SPIRE1: variants seen among roughly 807,000 people sequenced by gnomAD.
SPIRE1 encodes spire type actin nucleation factor 1, also known as protein spire homolog 1.
A neutral mutation model predicts 94.1 loss-of-function variants in SPIRE1; 40 were observed. The ratio of observed to expected loss-of-function variants is 0.43; its 90% CI spans 0.33 to 0.55. The LOEUF (loss-of-function observed/expected upper bound fraction) is 0.55, where lower values mean the gene tolerates loss of function less well. Ranked by LOEUF, SPIRE1 falls within the 20% of genes least tolerant of loss-of-function variation. The pLI, the probability that SPIRE1 is intolerant of heterozygous loss-of-function variation, is 0.06. For synonymous variants in SPIRE1, 376 were observed against 371.7 expected (o/e 1.01, Z -0.13); for missense variants, 838 against 975.2 (o/e 0.86, Z 1.87).
chr18:12,508,440 C>T (rs990652530), intron 5 of SPIRE1, among the ~76,000 whole-genome samples: 1 of 152,138 alleles, frequency 6.6e-6, no homozygotes, highest in East Asian at 1.9e-4. Flanking sequence ...TAAAAAGATT[C>T]TTAGATTCTG....
intron 10 of SPIRE1, 115 bp from the exon 11 acceptor site, chr18:12,465,073 AG>A: frequency 1.1e-6 from 1 of 877,054 alleles, no homozygotes; most frequent in Non-Finnish European, 1.8e-6. Context: ...AGTATGTCAA[AG>A]GTTCAAGGCA....
intron 11 of SPIRE1, among the ~76,000 whole-genome samples, 170 bp downstream of exon 11, chr18:12,464,698 G>C (rs2032016719): frequency 6.6e-6 from 1 of 152,176 alleles, no homozygotes; most frequent in Non-Finnish European, 1.5e-5. Context: ...CCGAGGCCTG[G>C]TATGATGCCA....
chr18:12,521,699 C>T lies in SPIRE1; in HGVS notation c.730-9168G>A, dbSNP rs186606863. The stretch of plus-strand genomic sequence containing the variant: ...CCTGAGTTCGGCAAATCTATTGGTG[C>T]CATTTTTCCTAGAGTATGTGCTCAC... On this transcript the variant is annotated intron_variant, in intron 4 of 16. Transcript: ENST00000409402. 4.1e-4 allele frequency among the ~76,000 whole-genome samples: 62 copies of T among 152,180 alleles called. No homozygotes were observed. The Middle Eastern group carries it at 0.02, about 50-fold the overall frequency.
At chr18:12,517,874 T>G (rs1478568836) in intron 4 of SPIRE1, among the ~76,000 whole-genome samples, 1 of 152,242 alleles carries the variant, frequency 6.6e-6, no homozygotes, top group Non-Finnish European at 1.5e-5. Flanking sequence ...TAATAATGTA[T>G]TTTTTATGAC....
At chr18:12,502,708 T>C (rs1019984428) in intron 6 of SPIRE1, among the ~76,000 whole-genome samples, 3 of 152,172 alleles carry the variant, frequency 2.0e-5, no homozygotes, top group African/African-American at 7.2e-5. Context: ...ATGTTTGCAT[T>C]TGGATGTTCA....
chr18:12,580,043 A>G (rs1327102859), intron 2 of SPIRE1, among the ~76,000 whole-genome samples: 1 of 152,184 alleles, frequency 6.6e-6, no homozygotes, highest in African/African-American at 2.4e-5. Flanking sequence ...AGATGCTTTC[A>G]TAGAGTGGGT....
intron 2 of SPIRE1, among the ~76,000 whole-genome samples, chr18:12,631,548 C>CAAAAAAAAAAAAAAAAAAAAAAACA (rs2037775555): frequency 1.6e-5 from 1 of 63,804 alleles, no homozygotes; most frequent in Non-Finnish European, 2.7e-5. Flanking sequence ...CCCATCTCTA[C>CAAAAAAAAAAAAAAAAAAAAAAACA]AAAAAAAAAA....
intron 2 of SPIRE1, among the ~76,000 whole-genome samples, chr18:12,558,371 G>A (rs2035581155): frequency 6.6e-6 from 1 of 152,200 alleles, no homozygotes; most frequent in South Asian, 2.1e-4. Flanking sequence ...CTTTCGTGGT[G>A]AGTGTTACAG....
At chr18:12,491,516 TTTCC>T (rs1555685125) in intron 8 of SPIRE1, among the ~76,000 whole-genome samples, 1 of 152,106 alleles carries the variant, frequency 6.6e-6, no homozygotes, top group Non-Finnish European at 1.5e-5. Flanking sequence ...TCTTTCTTTC[TTTCC>T]ATGGAATCTT....
Position 12,449,069 on chromosome 18 carries a change from A to C in SPIRE1, c.*569T>G, listed in dbSNP as rs1317841923. The C allele has an allele frequency of 1.3e-5, 2 of 153,418 alleles. No individual in the cohort carries two copies. Among genetic ancestry groups the C allele is most frequent in the Non-Finnish European group, 2.9e-5 (2 of 68,776 alleles). The allele number at this position is 153,418 out of a possible 1,614,324, so 9.5% of individuals were successfully genotyped here. Reference sequence around the variant, plus strand: ...TGTTTTGCACTAGAATGCAGGCAAAAAGTCCCTTATGTAATTTTTATCTCC... The same window carrying C: ...TGTTTTGCACTAGAATGCAGGCAAACAGTCCCTTATGTAATTTTTATCTCC... On this transcript the variant is annotated 3_prime_UTR_variant, in exon 17 of 17. Coordinates refer to ENST00000409402, the MANE Select transcript of SPIRE1 (RefSeq NM_001128626.2).
At chr18:12,593,706 T>C (rs1292965019) in intron 2 of SPIRE1, among the ~76,000 whole-genome samples, 1 of 152,078 alleles carries the variant, frequency 6.6e-6, no homozygotes, top group African/African-American at 2.4e-5. Flanking sequence ...TCCCAGCACT[T>C]TGGGAGGCCG....
At chr18:12,630,973 C>T (rs1208810830) in intron 2 of SPIRE1, among the ~76,000 whole-genome samples, 2 of 152,110 alleles carry the variant, frequency 1.3e-5, no homozygotes, top group Non-Finnish European at 2.9e-5. Context: ...CTTTGTGACC[C>T]CGTATAACCT....
At chr18:12,516,248 CACTTCCTA>C (rs1460799786) in intron 4 of SPIRE1, 1 of 152,208 alleles carries the variant, frequency 6.6e-6, no homozygotes, top group Non-Finnish European at 1.5e-5. Flanking sequence ...CCCAGTACCT[CACTTCCTA>C]TTTACAAGCG....
At chr18:12,549,436 G>GTTTTTTTTTTTTTTTTTT (rs1345452411) in intron 2 of SPIRE1, among the ~76,000 whole-genome samples, 15 of 51,934 alleles carry the variant, frequency 2.9e-4, no homozygotes, top group Non-Finnish European at 4.5e-4. Flanking sequence ...TTTTGTTATT[G>GTTTTTTTTTTTTTTTTTT]TTGTTTTTTT....
In SPIRE1 at chr18:12,447,142, A is replaced by G. The variant is rs2030971036; in HGVS notation, c.*2496T>C. On this transcript the variant is annotated 3_prime_UTR_variant, in exon 17 of 17. Coordinates refer to ENST00000409402, the MANE Select transcript of SPIRE1 (RefSeq NM_001128626.2). The stretch of plus-strand genomic sequence containing the variant: ...AGTGTGACTTCATGACGTATGGGAC[A>G]AAAGGAACCGGTGCTCAGGCCTGGA... 1 of 152,262 alleles carries G rather than the reference A, an allele frequency of 6.6e-6. No homozygotes were observed. The highest frequency in any genetic ancestry group is 1.5e-5 in the Non-Finnish European group (1 of 68,084). 9.4% of individuals were successfully genotyped at this position (152,262 alleles called of 1,614,324 possible).
At chr18:12,543,091 G>C (rs999743711) in intron 3 of SPIRE1, among the ~76,000 whole-genome samples, 2 of 152,176 alleles carry the variant, frequency 1.3e-5, no homozygotes, top group African/African-American at 2.4e-5. Flanking sequence ...GCCTCCCAAA[G>C]TGCTGGGATT....
chr18:12,653,108 C>G (rs913239290), intron 1 of SPIRE1: 10 of 152,362 alleles, frequency 6.6e-5, no homozygotes, highest in African/African-American at 1.9e-4. Context: ...TAGGGAACAT[C>G]TGGCAATGGA....
At chr18:12,650,939 C>T (rs112286784) in intron 1 of SPIRE1, among the ~76,000 whole-genome samples, 2,617 of 150,948 alleles carry the variant, frequency 0.017, 88 homozygotes, top group African/African-American at 0.06. Context: ...CTTAATTTTG[C>T]AAATGAACAT....
At chr18:12,488,832 A>G (rs2033131432) in intron 8 of SPIRE1, among the ~76,000 whole-genome samples, 1 of 152,178 alleles carries the variant, frequency 6.6e-6, no homozygotes, top group Non-Finnish European at 1.5e-5. Context: ...TTAAACAGGC[A>G]TTTTACTGTG....
Sources: gnomAD v4.1 joint callset for allele counts (sites outside exome capture counted in the v4.1 genomes callset) on GRCh38, gnomAD v4.1.1 for gene constraint, MANE v1.5 for transcripts, NCBI Gene and HGNC (gene_info 2026-07-23, HGNC 2026-07-21) for gene names.